The following NTRK2 variants were observed in gnomAD, a reference collection of about 807,000 sequenced individuals.
The protein encoded by NTRK2 is neurotrophic receptor tyrosine kinase 2.
A neutral mutation model predicts 94.5 loss-of-function variants in NTRK2; 13 were observed. The observed-to-expected ratio is 0.14, with a 90% CI of 0.09 to 0.22. The LOEUF (loss-of-function observed/expected upper bound fraction) is 0.22. Ranked by LOEUF, NTRK2 falls within the 10% of genes least tolerant of loss-of-function variation. The probability of loss-of-function intolerance (pLI) is 1.00; values close to 1 mark genes in which losing one functional copy is unlikely to be tolerated. For missense variants in NTRK2, 639 were observed against 1,071.2 expected (o/e 0.60, Z 5.63); for synonymous variants, 372 against 407.4 (o/e 0.91, Z 1.05).
chr9:84,823,648 T>A (rs1171985021), intron 12 of NTRK2, among the ~76,000 whole-genome samples: 1 of 152,242 alleles, frequency 6.6e-6, no homozygotes, highest in East Asian at 1.9e-4. Flanking sequence ...CCAGCCCATG[T>A]TGGCGTGCAG....
Position 84,882,719 on chromosome 9 carries a change from T to TGC in NTRK2, c.1633+15301_1633+15302dup, listed in dbSNP as rs1554762159. On this transcript the variant is annotated intron_variant, in intron 14 of 18. Transcript: ENST00000277120. ...TCTAGTGTGTGTGTGTGTGTGTGTG[T>TGC]GCGCGCGCGCGCGCATGTGTGCATT... Among the ~76,000 whole-genome samples, 825 of 145,826 alleles carry TGC rather than the reference T, an allele frequency of 5.7e-3. 10 individuals are homozygous for TGC. The highest frequency in any genetic ancestry group is 0.017 in the South Asian group (80 of 4,734).
At chr9:84,812,716 G>A in intron 12 of NTRK2, 1 of 1,041,686 alleles carries the variant, frequency 9.6e-7, no homozygotes, top group Non-Finnish European at 1.2e-6. Context: ...CCATAGAAAG[G>A]CTATGGATTG....
intron 17 of NTRK2, among the ~76,000 whole-genome samples, chr9:84,956,470 T>G (rs984225620): frequency 6.6e-6 from 1 of 152,132 alleles, no homozygotes; most frequent in East Asian, 1.9e-4. Context: ...GAGTGAAGAT[T>G]CGGGGTGGTG....
chr9:84,797,994 T>C (rs2069825879), intron 12 of NTRK2, among the ~76,000 whole-genome samples: 2 of 148,318 alleles, frequency 1.3e-5, no homozygotes, highest in South Asian at 4.2e-4. Context: ...GTATGAGCCA[T>C]TGGGACTGTC....
chr9:84,879,927 A>G (rs962462066), intron 14 of NTRK2, among the ~76,000 whole-genome samples: 3 of 152,210 alleles, frequency 2.0e-5, no homozygotes, highest in Non-Finnish European at 4.4e-5. Context: ...CTATGGTACA[A>G]TGATTGATAT....
chr9:84,728,051 C>A lies in NTRK2; in HGVS notation c.1159+92C>A, dbSNP rs1463702584. The A allele has an allele frequency of 9.2e-6, 11 of 1,197,710 alleles. No individual in the cohort carries two copies. In the East Asian group the frequency reaches 2.2e-4, roughly 24 times the overall value. The allele number at this position is 1,197,710 out of a possible 1,614,324, so 74.2% of individuals were successfully genotyped here. On this transcript the variant is annotated intron_variant, in intron 9 of 18. Transcript: ENST00000277120. The stretch of plus-strand genomic sequence containing the variant: ...ATGTATACAATAAGCCATCCCCCAA[C>A]CTAGTGGCTTAAAACTCCATTATTT...
At chr9:84,725,100 A>G (rs561756202) in intron 8 of NTRK2, among the ~76,000 whole-genome samples, 2 of 152,312 alleles carry the variant, frequency 1.3e-5, no homozygotes, top group East Asian at 1.9e-4. Context: ...GCACGGTATA[A>G]ATTAATGAGG....
intron 13 of NTRK2, among the ~76,000 whole-genome samples, chr9:84,865,737 C>A (rs901055265): frequency 6.6e-6 from 1 of 152,204 alleles, no homozygotes; most frequent in African/African-American, 2.4e-5. Flanking sequence ...CCTTTTCACT[C>A]CCTATTGTCT....
chr9:84,992,518 G>C (rs1829215400), intron 17 of NTRK2, among the ~76,000 whole-genome samples: 1 of 152,084 alleles, frequency 6.6e-6, no homozygotes, highest in African/African-American at 2.4e-5. Context: ...TATTTGTCCA[G>C]ATCCTGTGGA....
rs184318106 is a variant in NTRK2 at position 84,676,359 on chromosome 9, T to A, written c.212+5399T>A. Among the ~76,000 whole-genome samples the A allele has an allele frequency of 2.0e-5, 3 of 152,118 alleles. No homozygotes were observed. The East Asian group carries it at 5.8e-4, about 29-fold the overall frequency. ...AATCTGAAGACCTTTGGTGTCAGAG[T>A]GTTATGTGGAAATGTTTTCAGTGTC... On this transcript the variant is annotated intron_variant, in intron 2 of 18. Coordinates refer to ENST00000277120, the MANE Select transcript of NTRK2 (RefSeq NM_006180.6).
At position 84,934,323 on chromosome 9, in the gene NTRK2, C is replaced by A. The variant is rs780082166; in HGVS notation, c.1764+31C>A. 19 of 1,612,408 alleles carry A rather than the reference C, an allele frequency of 1.2e-5. No homozygotes were observed. In the Admixed American group the frequency reaches 1.7e-4, roughly 14 times the overall value. ...AGAACATTCCAGAATGTCTCATTAA[C>A]CATGATCACACTTACGTGTGGAAAT... On this transcript the variant is annotated intron_variant, in intron 15 of 18. Coordinates refer to ENST00000277120, the MANE Select transcript of NTRK2 (RefSeq NM_006180.6).
At chr9:84,948,204 A>G (rs1346050334) in intron 15 of NTRK2, among the ~76,000 whole-genome samples, 2 of 152,240 alleles carry the variant, frequency 1.3e-5, no homozygotes, top group East Asian at 3.8e-4. Context: ...GGTGCAGACC[A>G]GGGTTAGAAA....
intron 15 of NTRK2, among the ~76,000 whole-genome samples, chr9:84,943,694 C>T (rs1375685279): frequency 6.6e-6 from 1 of 152,164 alleles, no homozygotes; most frequent in Admixed American, 6.5e-5. Context: ...TTCATGGCCT[C>T]AGTGCATTGC....
At chr9:84,981,993 A>C (rs1218116646) in intron 17 of NTRK2, among the ~76,000 whole-genome samples, 2 of 152,198 alleles carry the variant, frequency 1.3e-5, no homozygotes, top group Admixed American at 6.5e-5. Flanking sequence ...GGTTTTATCC[A>C]TTGCCTTTGT....
intron 15 of NTRK2, among the ~76,000 whole-genome samples, chr9:84,939,916 C>T (rs1340616017): frequency 1.3e-5 from 2 of 152,158 alleles, no homozygotes; most frequent in Admixed American, 1.3e-4. Context: ...TTGCTAAAGA[C>T]TTGACAGCAA....
chr9:84,863,482 C>G (rs1360324638), intron 13 of NTRK2, among the ~76,000 whole-genome samples: 1 of 152,180 alleles, frequency 6.6e-6, no homozygotes, highest in East Asian at 1.9e-4. Flanking sequence ...TTTCGTTTAA[C>G]ACACGGTGAT....
chr9:84,978,069 T>C lies in NTRK2; in HGVS notation c.2172+22552T>C, dbSNP rs944142963. Among the ~76,000 whole-genome samples the C allele has an allele frequency of 5.9e-5, 9 of 152,340 alleles. No homozygotes were observed. In the East Asian group the frequency reaches 1.5e-3, roughly 26 times the overall value. On this transcript the variant is annotated intron_variant, in intron 17 of 18. Coordinates refer to ENST00000277120, the MANE Select transcript of NTRK2 (RefSeq NM_006180.6). ...TTCCCTGGGCCTCTCTATTCCCTGA[T>C]ACATACCAATATTGAAATTTGGACA...
At chr9:84,707,946 T>C in intron 5 of NTRK2, 34 bp downstream of exon 5, 1 of 1,569,898 alleles carries the variant, frequency 6.4e-7, no homozygotes, top group Non-Finnish European at 8.8e-7. Context: ...TTTGGGGAAA[T>C]GTTTTCAAAG....
intron 14 of NTRK2, among the ~76,000 whole-genome samples, chr9:84,869,382 C>T (rs1229279728): frequency 6.6e-6 from 1 of 152,084 alleles, no homozygotes; most frequent in Non-Finnish European, 1.5e-5. Context: ...TCACTCCACA[C>T]CATATATCAA....
Sources: gnomAD v4.1 joint callset for allele counts (sites outside exome capture counted in the v4.1 genomes callset) on GRCh38, gnomAD v4.1.1 for gene constraint, MANE v1.5 for transcripts, NCBI Gene and HGNC (gene_info 2026-07-23, HGNC 2026-07-21) for gene names.